MAGI2: variants seen among roughly 807,000 people sequenced by gnomAD.
MAGI2 encodes membrane-associated guanylate kinase, WW and PDZ domain-containing protein 2.
Under a neutral mutation model 133.3 loss-of-function variants are expected in MAGI2, and 35 were observed. That is an observed-to-expected ratio of 0.26 (90% CI 0.20 to 0.35). MAGI2 has a LOEUF of 0.35. Among genes scored for constraint, MAGI2 ranks in the 10% least tolerant of loss-of-function variants. MAGI2 has a pLI of 1.00. For missense variants in MAGI2, 1,636 were observed against 1,863.4 expected (o/e 0.88, Z 2.25); for synonymous variants, 729 against 710.6 (o/e 1.03, Z -0.41).
At chr7:79,130,296 A>T (rs1462107751) in intron 1 of MAGI2, among the ~76,000 whole-genome samples, 1 of 152,140 alleles carries the variant, frequency 6.6e-6, no homozygotes, top group African/African-American at 2.4e-5. Context: ...CCTGAGTGAC[A>T]GAGTGAGACC....
At chr7:79,441,263 C>T (rs751817502) in intron 1 of MAGI2, among the ~76,000 whole-genome samples, 3 of 152,128 alleles carry the variant, frequency 2.0e-5, no homozygotes, top group Non-Finnish European at 2.9e-5. Flanking sequence ...AGGTAGACAA[C>T]CAACAATTTC....
rs189756194 is a variant in MAGI2, at chr7:78,634,999, A to G, written c.419-7760T>C. 1.6e-3 allele frequency among the ~76,000 whole-genome samples: 250 copies of G among 152,324 alleles called. 1 individual carries two copies. The highest frequency in any genetic ancestry group is 2.4e-3 in the Non-Finnish European group (162 of 68,016). ...CTGAAAGAGCAAAAATGCTAAGTTG[A>G]GGCTTTGTTTCATCTTTTAGTAATT... is the stretch of plus-strand genomic sequence containing the variant. On this transcript the variant is annotated intron_variant, in intron 2 of 21. Coordinates refer to ENST00000354212, the MANE Select transcript of MAGI2 (RefSeq NM_012301.4).
chr7:78,242,541 G>A (rs1295488017), intron 10 of MAGI2, among the ~76,000 whole-genome samples: 1 of 152,196 alleles, frequency 6.6e-6, no homozygotes, highest in South Asian at 2.1e-4. Context: ...ATGCTTTTTT[G>A]CTGCTGACTT....
chr7:78,724,010 G>T (rs1482185413), intron 2 of MAGI2, among the ~76,000 whole-genome samples: 1 of 152,254 alleles, frequency 6.6e-6, no homozygotes, highest in African/African-American at 2.4e-5. Flanking sequence ...GCAGGGGTGT[G>T]GTCTAGGTCC....
intron 2 of MAGI2, among the ~76,000 whole-genome samples, chr7:79,003,164 TTGAC>T (rs754979980): frequency 9.2e-5 from 14 of 151,978 alleles, no homozygotes; most frequent in Non-Finnish European, 1.5e-4. Context: ...CACAACTAGA[TTGAC>T]TGAGTATATG....
chr7:78,520,292 G>A (rs889351725), intron 4 of MAGI2, among the ~76,000 whole-genome samples: 2 of 151,954 alleles, frequency 1.3e-5, no homozygotes, highest in African/African-American at 2.4e-5. Context: ...TAGGCATTTT[G>A]AAAAAGGAAG....
At chr7:78,054,180 C>T (rs2151116118) in intron 21 of MAGI2, among the ~76,000 whole-genome samples, 1 of 152,242 alleles carries the variant, frequency 6.6e-6, no homozygotes, top group African/African-American at 2.4e-5. Flanking sequence ...GGTTGGAGTG[C>T]AGTGGTGTGA....
intron 10 of MAGI2, among the ~76,000 whole-genome samples, chr7:78,244,228 G>A (rs1791515379): frequency 6.8e-6 from 1 of 147,336 alleles, no homozygotes; most frequent in East Asian, 2.0e-4. Context: ...CTACTCTCAG[G>A]TAAAGTGGAA....
chr7:79,161,785 C>G (rs1016283573), intron 1 of MAGI2, among the ~76,000 whole-genome samples: 1 of 152,086 alleles, frequency 6.6e-6, no homozygotes, highest in Non-Finnish European at 1.5e-5. Context: ...TCTAAGTTCT[C>G]TAAAATTCAG....
At chr7:78,654,494 A>C (rs2151021679) in intron 2 of MAGI2, among the ~76,000 whole-genome samples, 1 of 151,836 alleles carries the variant, frequency 6.6e-6, no homozygotes, top group East Asian at 1.9e-4. Flanking sequence ...TCATAATATA[A>C]ATTTATAAAG....
intron 9 of MAGI2, among the ~76,000 whole-genome samples, chr7:78,309,391 C>T (rs1358869002): frequency 6.6e-6 from 1 of 152,160 alleles, no homozygotes; most frequent in Non-Finnish European, 1.5e-5. Context: ...TTTGCAGCAA[C>T]ATAGATGTAG....
At chr7:79,063,054 A>G (rs900430905) in intron 1 of MAGI2, among the ~76,000 whole-genome samples, 1 of 152,118 alleles carries the variant, frequency 6.6e-6, no homozygotes, top group Non-Finnish European at 1.5e-5. Context: ...TACAAACCCT[A>G]AATCTAAAAT....
chr7:78,514,985 G>A (rs565203594), intron 4 of MAGI2, among the ~76,000 whole-genome samples: 2 of 152,282 alleles, frequency 1.3e-5, no homozygotes, highest in East Asian at 3.9e-4. Context: ...CATGGGCCCT[G>A]TTCCTCTTGG....
rs554448236 is a variant in MAGI2, at chr7:78,368,306, T to G, written c.1103+850A>C. ...TGTAACTCTTGACCATCTGTAACTA[T>G]TAAACAGAATGTGGTTGGAAAAAAC... On this transcript the variant is annotated intron_variant, in intron 7 of 21. Coordinates refer to ENST00000354212, the MANE Select transcript of MAGI2 (RefSeq NM_012301.4). 9.8e-5 allele frequency among the ~76,000 whole-genome samples: 15 copies of G among 152,308 alleles called. 1 individual carries two copies. The highest frequency in any genetic ancestry group is 3.6e-4 in the African/African-American group (15 of 41,572).
intron 10 of MAGI2, among the ~76,000 whole-genome samples, chr7:78,222,161 T>G (rs1788899889): frequency 6.6e-6 from 1 of 152,138 alleles, no homozygotes; most frequent in Non-Finnish European, 1.5e-5. Context: ...ATTCTGTGTC[T>G]TCTTACACAA....
At chr7:78,450,836 CTCAT>C (rs1276977753) in intron 6 of MAGI2, among the ~76,000 whole-genome samples, 1 of 152,070 alleles carries the variant, frequency 6.6e-6, no homozygotes, top group Non-Finnish European at 1.5e-5. Context: ...CATTAGTCTA[CTCAT>C]TCATTCAATA....
chr7:78,362,111 G>C (rs757991359), intron 7 of MAGI2, among the ~76,000 whole-genome samples: 1 of 152,078 alleles, frequency 6.6e-6, no homozygotes, highest in Non-Finnish European at 1.5e-5. Flanking sequence ...AGACCAGCCT[G>C]GACAACATGG....
At chr7:78,851,814 C>T (rs1409385098) in intron 2 of MAGI2, among the ~76,000 whole-genome samples, 1 of 152,040 alleles carries the variant, frequency 6.6e-6, no homozygotes, top group African/African-American at 2.4e-5. Flanking sequence ...TGTTTGTTTC[C>T]AGTTCTTTGC....
intron 9 of MAGI2, among the ~76,000 whole-genome samples, chr7:78,325,516 C>G (rs950705451): frequency 1.3e-5 from 2 of 152,216 alleles, no homozygotes; most frequent in African/African-American, 4.8e-5. Context: ...AGCAAACATA[C>G]TTGACTCGTT....
Sources: gnomAD v4.1 joint callset for allele counts (sites outside exome capture counted in the v4.1 genomes callset) on GRCh38, gnomAD v4.1.1 for gene constraint, MANE v1.5 for transcripts, NCBI Gene and HGNC (gene_info 2026-07-23, HGNC 2026-07-21) for gene names.